The following METTL6 variants were observed in gnomAD, a reference collection of about 807,000 sequenced individuals.
METTL6 encodes tRNA N(3)-cytidine methyltransferase METTL6.
METTL6 carries 22 observed loss-of-function variants against 26.4 expected under a neutral mutation model. The ratio of observed to expected loss-of-function variants is 0.83; its 90% CI spans 0.59 to 1.19. The LOEUF is 1.19. METTL6 is among the 50% of genes most tolerant of loss of function. The pLI, the probability that METTL6 is intolerant of heterozygous loss-of-function variation, is 0.00. For synonymous variants in METTL6, 109 were observed against 116.2 expected, an observed-to-expected ratio of 0.94 and a Z score of 0.40; for missense variants, 304 against 324.8, an observed-to-expected ratio of 0.94 and a Z score of 0.49.
At chr3:15,418,972 C>T (rs1034065699) in intron 3 of METTL6, among the ~76,000 whole-genome samples, 10 of 151,968 alleles carry the variant, frequency 6.6e-5, no homozygotes, top group African/African-American at 2.4e-4. Context: ...TCCTGTGTAG[C>T]CTGGGCAACA....
chr3:15,413,294 G>A (rs1700050729), intron 5 of METTL6, among the ~76,000 whole-genome samples: 1 of 152,036 alleles, frequency 6.6e-6, no homozygotes. Flanking sequence ...ACAGATCCAG[G>A]ACAGGCATGG....
chr3:15,384,711 C>G (rs1699148437), intron 6 of METTL6: 1 of 152,308 alleles, frequency 6.6e-6, no homozygotes, highest in South Asian at 2.1e-4. Context: ...TGCACTCCAG[C>G]CCAGGCAAAG....
chr3:15,393,154 G>C (rs956923378), intron 6 of METTL6, among the ~76,000 whole-genome samples: 1 of 152,162 alleles, frequency 6.6e-6, no homozygotes, highest in African/African-American at 2.4e-5. Flanking sequence ...CCATTTGTTT[G>C]TATCCTCTTC....
intron 3 of METTL6, among the ~76,000 whole-genome samples, chr3:15,417,346 T>A (rs1033612381): frequency 6.6e-6 from 1 of 151,772 alleles, no homozygotes; most frequent in Non-Finnish European, 1.5e-5. Context: ...TCCCAGTTAC[T>A]GGGAAGACTG....
rs371026535 is a variant in METTL6, at chr3:15,417,311, T to C, written c.361-1369A>G. ...CTCTACTAAAAATACAAAAATTAGC[T>C]GGGCGTGGTGACCCGCACCTGTAGT... On this transcript the variant is annotated intron_variant, in intron 3 of 5. Coordinates refer to ENST00000383790, the MANE Select transcript of METTL6 (RefSeq NM_152396.4). 3.6e-4 allele frequency among the ~76,000 whole-genome samples: 55 copies of C among 152,128 alleles called. 2 individuals carry two copies. The East Asian group carries it at 9.1e-3, about 25-fold the overall frequency.
chr3:15,403,274 C>A (rs1449342088), intron 6 of METTL6, among the ~76,000 whole-genome samples: 1 of 152,108 alleles, frequency 6.6e-6, no homozygotes, highest in Non-Finnish European at 1.5e-5. Context: ...CCATGCTGGG[C>A]CTCATTTAAT....
chr3:15,427,433 A>C lies in METTL6; in HGVS notation c.-156T>G, dbSNP rs1019554237. ...GCCAGCCCCACTGGGCCTCGGAGGC[A>C]GAATACGGGAAGAACCGCGAAACAA... On this transcript the variant is annotated 5_prime_UTR_variant, in exon 1 of 6. Transcript: ENST00000383790. The C allele has an allele frequency of 7.0e-5, 22 of 313,400 alleles. No homozygotes were observed. The highest frequency in any genetic ancestry group is 1.1e-3 in the Middle Eastern group (1 of 924). 19.4% of individuals were successfully genotyped at this position (313,400 alleles called of 1,614,324 possible).
chr3:15,415,998 T>C (rs1327738705), intron 3 of METTL6, 56 bp from the exon 4 acceptor site: 16 of 1,491,364 alleles, frequency 1.1e-5, no homozygotes, highest in South Asian at 3.9e-5. Flanking sequence ...CTGATACATA[T>C]AGAAAAATAC....
chr3:15,405,208 T>C (rs1014519615), downstream of METTL6, among the ~76,000 whole-genome samples: 1 of 152,250 alleles, frequency 6.6e-6, no homozygotes, highest in Non-Finnish European at 1.5e-5. Flanking sequence ...AGCACGTATT[T>C]ATGCTCCCCA....
chr3:15,401,313 A>G (rs1216161932), intron 6 of METTL6, among the ~76,000 whole-genome samples: 1 of 152,076 alleles, frequency 6.6e-6, no homozygotes, highest in Non-Finnish European at 1.5e-5. Context: ...TGCTGGGATT[A>G]CAGGCGTGAG....
At chr3:15,389,776 C>A (rs1220765708) in intron 6 of METTL6, among the ~76,000 whole-genome samples, 1 of 151,062 alleles carries the variant, frequency 6.6e-6, no homozygotes, top group Non-Finnish European at 1.5e-5. Flanking sequence ...CTCAAACTCC[C>A]GACCTCAGTG....
exon 7 of METTL6, chr3:15,384,027 CA>C: frequency 8.9e-6 from 3 of 337,088 alleles, no homozygotes; most frequent in East Asian, 1.2e-4. Flanking sequence ...AAGTTGAAAA[CA>C]AAAGGTCTCT....
intron 6 of METTL6, among the ~76,000 whole-genome samples, chr3:15,395,162 GC>G (rs1054353823): frequency 6.6e-6 from 1 of 152,184 alleles, no homozygotes; most frequent in African/African-American, 2.4e-5. Flanking sequence ...CTAAGGACTT[GC>G]TTTATGCATC....
At chr3:15,421,090 G>T (rs534113749) in intron 3 of METTL6, among the ~76,000 whole-genome samples, 21 of 152,226 alleles carry the variant, frequency 1.4e-4, no homozygotes, top group African/African-American at 5.1e-4. Flanking sequence ...TGGAAGGAAG[G>T]GCTCTTAGTC....
chr3:15,383,068 C>A (rs1376681648), exon 7 of METTL6: 1 of 152,090 alleles, frequency 6.6e-6, no homozygotes, highest in Non-Finnish European at 1.5e-5. Flanking sequence ...TACATGGTGA[C>A]CATAGTCAAT....
intron 6 of METTL6, among the ~76,000 whole-genome samples, chr3:15,404,750 G>C (rs1699742196): frequency 6.6e-6 from 1 of 152,116 alleles, no homozygotes; most frequent in Admixed American, 6.6e-5. Context: ...TGAGATCATA[G>C]TGCACTGTAG....
chr3:15,391,787 T>C (rs1699356500), intron 6 of METTL6, among the ~76,000 whole-genome samples: 1 of 151,966 alleles, frequency 6.6e-6, no homozygotes, highest in Admixed American at 6.6e-5. Flanking sequence ...CTGAGAATGA[T>C]GGTTTCCAGC....
intron 6 of METTL6, among the ~76,000 whole-genome samples, chr3:15,388,170 G>T (rs1295109499): frequency 6.6e-6 from 1 of 152,040 alleles, no homozygotes; most frequent in Non-Finnish European, 1.5e-5. Context: ...GAGTGCAATG[G>T]CGCAATCTCC....
At chr3:15,405,908 T>C (rs1699769510), downstream of METTL6, among the ~76,000 whole-genome samples, 1 of 152,136 alleles carries the variant, frequency 6.6e-6, no homozygotes, top group Admixed American at 6.6e-5. Flanking sequence ...AAGTTGGTAG[T>C]TTGTACTGGG....
Sources: gnomAD v4.1 joint callset for allele counts (sites outside exome capture counted in the v4.1 genomes callset) on GRCh38, gnomAD v4.1.1 for gene constraint, MANE v1.5 for transcripts, NCBI Gene and HGNC (gene_info 2026-07-23, HGNC 2026-07-21) for gene names.